ARHGAP44: variants seen among roughly 807,000 people sequenced by gnomAD.
The protein encoded by ARHGAP44 is rho GTPase-activating protein 44.
In ARHGAP44, 43 loss-of-function variants were observed where a neutral mutation model predicts 106.8. The ratio of observed to expected loss-of-function variants is 0.40; its 90% CI spans 0.32 to 0.52. The LOEUF is 0.52. Among genes scored for constraint, ARHGAP44 ranks in the 20% least tolerant of loss-of-function variants. The probability of loss-of-function intolerance (pLI) is 0.48; values close to 1 mark genes in which losing one functional copy is unlikely to be tolerated. For synonymous variants in ARHGAP44, 439 were observed against 410.3 expected, an observed-to-expected ratio of 1.07 and a Z score of -0.85; for missense variants, 866 against 1,050.5, an observed-to-expected ratio of 0.82 and a Z score of 2.43.
chr17:12,836,020 T>A (rs1372825439), intron 1 of ARHGAP44, among the ~76,000 whole-genome samples: 1 of 152,240 alleles, frequency 6.6e-6, no homozygotes, highest in Admixed American at 6.5e-5. Context: ...TGTATGTATA[T>A]CCACATTTTG....
At chr17:12,887,573 C>G (rs549836262) in intron 1 of ARHGAP44, among the ~76,000 whole-genome samples, 1 of 152,052 alleles carries the variant, frequency 6.6e-6, no homozygotes, top group East Asian at 1.9e-4. Context: ...ACTTTTACAC[C>G]CATATTCATA....
At chr17:12,892,226 A>G (rs768608621) in intron 1 of ARHGAP44, among the ~76,000 whole-genome samples, 25 of 152,234 alleles carry the variant, frequency 1.6e-4, no homozygotes, top group African/African-American at 5.6e-4. Flanking sequence ...AAAGGGTTCT[A>G]GGTTGACAGT....
chr17:12,944,531 G>C (rs2108537), intron 10 of ARHGAP44, among the ~76,000 whole-genome samples: 19 of 151,660 alleles, frequency 1.3e-4, no homozygotes, highest in East Asian at 7.7e-4. Context: ...GTGGCACAAG[G>C]CTGGAGTGCA....
intron 1 of ARHGAP44, among the ~76,000 whole-genome samples, chr17:12,880,236 A>T (rs528558646): frequency 1.3e-5 from 2 of 152,278 alleles, no homozygotes; most frequent in East Asian, 3.9e-4. Context: ...TATATATATT[A>T]TGAAACAATG....
chr17:12,979,068 G>A (rs1363034946), intron 18 of ARHGAP44, among the ~76,000 whole-genome samples: 1 of 152,148 alleles, frequency 6.6e-6, no homozygotes, highest in Non-Finnish European at 1.5e-5. Context: ...CCCACCTGTG[G>A]GCATCAGAAT....
At chr17:12,916,535 C>G (rs2037920604) in intron 5 of ARHGAP44, among the ~76,000 whole-genome samples, 1 of 152,190 alleles carries the variant, frequency 6.6e-6, no homozygotes, top group Non-Finnish European at 1.5e-5. Flanking sequence ...TAGGCACCCA[C>G]CACCATGCCC....
chr17:12,813,658 C>T (rs1212815607), intron 1 of ARHGAP44, among the ~76,000 whole-genome samples: 3 of 152,066 alleles, frequency 2.0e-5, no homozygotes, highest in Non-Finnish European at 2.9e-5. Flanking sequence ...GATGGATGCT[C>T]AGTAACAGGA....
intron 3 of ARHGAP44, among the ~76,000 whole-genome samples, chr17:12,899,696 C>A (rs201407953): frequency 1.3e-5 from 2 of 151,402 alleles, no homozygotes; most frequent in Admixed American, 1.3e-4. Context: ...GACAATCACA[C>A]GGGAGTGTGG....
chr17:12,878,041 A>G (rs938034528), intron 1 of ARHGAP44, among the ~76,000 whole-genome samples: 2 of 152,252 alleles, frequency 1.3e-5, no homozygotes, highest in African/African-American at 4.8e-5. Flanking sequence ...TCCACACCTC[A>G]GTTATGAATT....
chr17:12,989,920 C>T (rs2040076395), intron 20 of ARHGAP44, 112 bp from the exon 21 acceptor site: 2 of 1,447,962 alleles, frequency 1.4e-6, no homozygotes, highest in Non-Finnish European at 1.9e-6. Context: ...AATGATCTAT[C>T]CCTAGAATAG....
Position 12,845,516 on chromosome 17 carries a change from A to C in ARHGAP44, c.54-49424A>C, listed in dbSNP as rs539114263. Among the ~76,000 whole-genome samples, 110 of 142,538 alleles carry C rather than the reference A, an allele frequency of 7.7e-4. 2 individuals carry two copies. The highest frequency in any genetic ancestry group is 7.0e-3 in the East Asian group (35 of 5,020). 93.5% of individuals were successfully genotyped at this position (142,538 alleles called of 152,430 possible). A position where few individuals can be genotyped will look rare whatever the true frequency, so the allele number is the denominator to read the frequency against. On this transcript the variant is annotated intron_variant, in intron 1 of 20. Transcript: ENST00000379672. ...AGCAAGACTCCGTCTCAAAAAAAAA[A>C]AAAAAACAAAAAAACAACTCTTTCT...
At chr17:12,934,782 A>C (rs1193533625) in intron 7 of ARHGAP44, among the ~76,000 whole-genome samples, 6 of 152,214 alleles carry the variant, frequency 3.9e-5, no homozygotes, top group African/African-American at 1.4e-4. Flanking sequence ...ACCCCTAAGT[A>C]GACTATGAAC....
intron 3 of ARHGAP44, among the ~76,000 whole-genome samples, chr17:12,900,882 G>A (rs2150927088): frequency 6.6e-6 from 1 of 150,798 alleles, no homozygotes; most frequent in East Asian, 2.0e-4. Flanking sequence ...GACAAGATGT[G>A]CCAGGTTCCG....
chr17:12,986,703 GAAT>G (rs1377822066), intron 20 of ARHGAP44: 1 of 73,362 alleles, frequency 1.4e-5, no homozygotes, highest in African/African-American at 4.9e-5. Context: ...AAAAAAAAAA[GAAT>G]GAGCAGAAGA....
At chr17:12,927,966 T>C (rs1293213766) in intron 6 of ARHGAP44, among the ~76,000 whole-genome samples, 3 of 152,144 alleles carry the variant, frequency 2.0e-5, no homozygotes, top group Non-Finnish European at 4.4e-5. Context: ...CTATAACCCA[T>C]TGAGTTTACA....
At chr17:12,865,153 G>T (rs1473262793) in intron 1 of ARHGAP44, among the ~76,000 whole-genome samples, 1 of 152,132 alleles carries the variant, frequency 6.6e-6, no homozygotes, top group East Asian at 1.9e-4. Context: ...GAATTTTATG[G>T]ATAAAGAGAA....
At chr17:12,872,434 T>G (rs1359375348) in intron 1 of ARHGAP44, among the ~76,000 whole-genome samples, 1 of 106,960 alleles carries the variant, frequency 9.3e-6, no homozygotes, top group Non-Finnish European at 1.9e-5. Flanking sequence ...TTTCTTGGAG[T>G]ACATTCTCAA....
In ARHGAP44 at chr17:12,990,066, A is replaced by AGGCG. The variant is rs777992008; in HGVS notation, c.2353_2354insGCGG (p.Glu785GlyfsTer22). On this transcript the variant is annotated frameshift_variant, in exon 21 of 21. Coordinates refer to ENST00000379672, the MANE Select transcript of ARHGAP44 (RefSeq NM_014859.6). LOFTEE classifies it high-confidence loss of function. ...ACTTTGATATTCCCTCGATCCACAT[A>AGGCG]GAGCTCGGGTCGACGCTCCGCCTGA... is the stretch of plus-strand genomic sequence containing the variant. The AGGCG allele has an allele frequency of 6.2e-7, 1 of 1,612,236 alleles. No individual in the cohort carries two copies. The highest frequency in any genetic ancestry group is 8.5e-7 in the Non-Finnish European group (1 of 1,178,598).
rs116362892 is a variant in ARHGAP44, at chr17:12,816,077, T to C, written c.53+26186T>C. 9.3e-3 allele frequency among the ~76,000 whole-genome samples: 1,415 copies of C among 152,178 alleles called. 20 individuals carry two copies. Among genetic ancestry groups the C allele is most frequent in the African/African-American group, 0.032 (1,344 of 41,516 alleles). On this transcript the variant is annotated intron_variant, in intron 1 of 20. Coordinates refer to ENST00000379672, the MANE Select transcript of ARHGAP44 (RefSeq NM_014859.6). ...GCAGTTGAAAGGGGAAGTGAGATTA[T>C]AGGCATGGTTGATTTGGAACAGTAC...
Sources: allele counts gnomAD v4.1 joint callset (sites outside exome capture counted in the v4.1 genomes callset), GRCh38; gene constraint gnomAD v4.1.1; transcripts MANE v1.5; gene names NCBI Gene and HGNC (gene_info 2026-07-23, HGNC 2026-07-21).